LHX5: variants seen among roughly 807,000 people sequenced by gnomAD.
The protein encoded by LHX5 is LIM/homeobox protein Lhx5.
In LHX5, 5 loss-of-function variants were observed where a neutral mutation model predicts 30.6. The observed-to-expected ratio is 0.16, with a 90% CI of 0.09 to 0.34. The LOEUF (loss-of-function observed/expected upper bound fraction) is 0.34, where lower values mean the gene tolerates loss of function less well. Ranked by LOEUF, LHX5 falls within the 10% of genes least tolerant of loss-of-function variation. The pLI is 1.00. For missense variants in LHX5, 458 were observed against 570.6 expected (o/e 0.80, Z 2.01); for synonymous variants, 266 against 252.6 (o/e 1.05, Z -0.50).
Position 113,463,404 on chromosome 12 carries a change from C to T in LHX5, c.995G>A (p.Gly332Asp). The T allele has an allele frequency of 1.3e-6, 2 of 1,555,792 alleles. No individual in the cohort carries two copies. The highest frequency in any genetic ancestry group is 1.7e-6 in the Non-Finnish European group (2 of 1,152,756). The stretch of plus-strand genomic sequence containing the variant: ...CCTGGGGTTGTCCGCGGCGTGCGGG[C>T]CGGCGAGCGGCGGTTCCAGCGCTCC... The part of the protein sequence containing the change: ...PLGALEPPLA[G>D]PHAADNPRFT... Residue 332 changes from glycine to aspartate, a missense_variant, in exon 5 of 5, where the codon GGC (glycine) becomes GAC (aspartate). By Grantham distance (94) the Gly-to-Asp change is moderately conservative. This residue lies in a region of LHX5 where 255 missense variants were observed against 246.8 expected (regional missense o/e 1.03). Coordinates refer to ENST00000261731, the MANE Select transcript of LHX5 (RefSeq NM_022363.3). The surrounding 1 kb of genome is among the most constrained non-coding windows in gnomAD (Gnocchi z 6.7).
Position 113,468,354 on chromosome 12 carries a change from G to C in LHX5, c.448C>G (p.Gln150Glu). The C allele has an allele frequency of 6.2e-7, 1 of 1,614,136 alleles. No individual in the cohort carries two copies. Residue 150 changes from glutamine (Q) to glutamate (E), a missense_variant, in exon 3 of 5, where the codon CAG becomes GAG. Coordinates refer to ENST00000261731, the MANE Select transcript of LHX5 (RefSeq NM_022363.3). Reference sequence around the variant, plus strand: ...TTGTCCGTCTCTTTGGGGTCGTCCTGCAGTGCGTCCTGGAGGTCCGGGGAC... The same window carrying C: ...TTGTCCGTCTCTTTGGGGTCGTCCTCCAGTGCGTCCTGGAGGTCCGGGGAC... Reference protein sequence around the residue: ...SLSPDLQDALQDDPKETDNST... With the variant: ...SLSPDLQDALEDDPKETDNST...
At position 113,463,547 on chromosome 12, in the gene LHX5, G is replaced by A; in HGVS notation, c.852C>T (p.Gly284=). ...TPYTYYGDYQ[G]DYYAPGSNYD... ...AGTTGCTTCCCGGCGCGTAGTAGTC[G>A]CCTTGGTAGTCTGCGGAGGGGGAGC... is the stretch of plus-strand genomic sequence containing the variant. Residue 284 remains glycine, a synonymous_variant, in exon 5 of 5, where the codon GGC becomes GGT. Transcript: ENST00000261731. The surrounding 1 kb of genome is among the most constrained non-coding windows in gnomAD (Gnocchi z 6.7). 1.3e-6 allele frequency: 2 copies of A among 1,543,328 alleles called. No individual in the cohort carries two copies. Among genetic ancestry groups the A allele is most frequent in the Non-Finnish European group, 1.7e-6 (2 of 1,152,674 alleles).
rs756988199 is a variant in LHX5 at position 113,464,411 on chromosome 12, G to C, written c.842-854C>G. On this transcript the variant is annotated intron_variant, in intron 4 of 4. Transcript: ENST00000261731. This position sits in a 1 kb window ranked among gnomAD's most constrained non-coding sequence, Gnocchi z 6.2. ...CGGGCCGCGGCAGGAGCGACTGGTG[G>C]GTTGGGCCGGGCGGGGCGGCCTTGG... Among the ~76,000 whole-genome samples the C allele has an allele frequency of 6.6e-6, 1 of 152,334 alleles. No homozygotes were observed. The highest frequency in any genetic ancestry group is 6.5e-5 in the Admixed American group (1 of 15,310).
rs1170250360 is a variant in LHX5 at position 113,467,344 on chromosome 12, G to A, written c.753C>T (p.Phe251=). Residue 251 remains phenylalanine (F), a synonymous_variant, in exon 4 of 5, where the codon TTC becomes TTT. Transcript: ENST00000261731. This position sits in a 1 kb window ranked among gnomAD's most constrained non-coding sequence, Gnocchi z 6.3. The part of the protein sequence containing the change: ...LSALGARRHA[F]FRSPRRMRPL... ...GACGCATGCGCCGCGGACTCCGGAA[G>A]AAGGCGTGCCTCCGGGCGCCTAGGG... 6.3e-7 allele frequency: 1 copy of A among 1,589,160 alleles called. No individual in the cohort carries two copies. The highest frequency in any genetic ancestry group is 8.6e-7 in the Non-Finnish European group (1 of 1,165,070).
intron 2 of LHX5, 119 bp downstream of exon 2, chr12:113,469,003 G>A: frequency 1.3e-6 from 1 of 750,140 alleles, no homozygotes; most frequent in East Asian, 2.7e-5. Flanking sequence ...AACTGCCTGG[G>A]GCTGATGAGC....
Position 113,463,141 on chromosome 12 carries a change from T to C in LHX5, c.*49A>G, listed in dbSNP as rs1958186065. Reference sequence around the variant, plus strand: ...GGGCGTTTTGGTTTCAGGAGGCTGCTTCGGGGCGGGGCCCCCGGGGGCCGA... The same window carrying C: ...GGGCGTTTTGGTTTCAGGAGGCTGCCTCGGGGCGGGGCCCCCGGGGGCCGA... On this transcript the variant is annotated 3_prime_UTR_variant, in exon 5 of 5. Coordinates refer to ENST00000261731, the MANE Select transcript of LHX5 (RefSeq NM_022363.3). This position sits in a 1 kb window ranked among gnomAD's most constrained non-coding sequence, Gnocchi z 6.7. 1 of 1,437,948 alleles carries C rather than the reference T, an allele frequency of 7.0e-7. No individual in the cohort carries two copies. The allele number at this position is 1,437,948 out of a possible 1,614,324, so 89.1% of individuals were successfully genotyped here.
intron 1 of LHX5, among the ~76,000 whole-genome samples, chr12:113,470,757 A>C (rs1205400113): frequency 4.6e-5 from 7 of 152,118 alleles, no homozygotes; most frequent in Admixed American, 4.6e-4. Flanking sequence ...CCTGATTCTC[A>C]GCCTCGATTT....
chr12:113,468,513 C>G (rs1958228324), intron 2 of LHX5, 109 bp from the exon 3 acceptor site: 6 of 1,328,228 alleles, frequency 4.5e-6, no homozygotes, highest in Non-Finnish European at 6.1e-6. Flanking sequence ...GCCCAGGCTA[C>G]GGCCAGCCCC....
At position 113,469,221 on chromosome 12, in the gene LHX5, A is replaced by T. The variant is rs1443486081; in HGVS notation, c.298T>A (p.Ser100Thr). The change falls in exon 2 of 5, where the codon TCC becomes ACC. Residue 100 changes from serine to threonine, a missense_variant. Physicochemically the swap from Ser to Thr is moderately conservative, Grantham distance 58 (BLOSUM62 1). This residue lies in a region of LHX5 where 178 missense variants were observed against 238.5 expected (regional missense o/e 0.75). Transcript: ENST00000261731. ...ATGACGTAGAGCTCCTCGCCGGTGG[A>T]CAGCTGCTTGTTACACACCATGCAG... is the stretch of plus-strand genomic sequence containing the variant. The part of the protein sequence containing the change: ...FTCMVCNKQL[S>T]TGEELYVIDE... 6.2e-7 allele frequency: 1 copy of T among 1,614,102 alleles called. No individual in the cohort carries two copies. The highest frequency in any genetic ancestry group is 1.3e-5 in the African/African-American group (1 of 74,942).
At chr12:113,470,931 G>A (rs1356742959) in intron 1 of LHX5, among the ~76,000 whole-genome samples, 3 of 152,206 alleles carry the variant, frequency 2.0e-5, no homozygotes, top group African/African-American at 7.2e-5. Flanking sequence ...CATTCTGCCT[G>A]GAGCGAGAAG....
At position 113,471,484 on chromosome 12, in the gene LHX5, G is replaced by A. The variant is rs1048528748; in HGVS notation, c.15C>T (p.Cys5=). Residue 5 remains cysteine (C), a synonymous_variant, in exon 1 of 5, where the codon TGC becomes TGT. Coordinates refer to ENST00000261731, the MANE Select transcript of LHX5 (RefSeq NM_022363.3). MMVH[C]AGCERPILDR... ...CGAGGATGGGCCGCTCGCAACCGGC[G>A]CAGTGCACCATCATAGCCCCGCGCC... The A allele has an allele frequency of 1.9e-6, 3 of 1,605,352 alleles. No individual in the cohort carries two copies. Among genetic ancestry groups the A allele is most frequent in the Non-Finnish European group, 2.6e-6 (3 of 1,176,184 alleles).
chr12:113,467,518 C>T lies in LHX5; in HGVS notation c.676-97G>A, dbSNP rs1240878189. On this transcript the variant is annotated intron_variant, in intron 3 of 4. Transcript: ENST00000261731. The surrounding 1 kb of genome is among the most constrained non-coding windows in gnomAD (Gnocchi z 6.3). ...CTGGGCTGCCCCTGCTGGGTCCTTGCGCCTCTTCCGCACCAGGACTCCCCC... is the reference window on the plus strand; with the variant it reads ...CTGGGCTGCCCCTGCTGGGTCCTTGTGCCTCTTCCGCACCAGGACTCCCCC... 8.8e-7 allele frequency: 1 copy of T among 1,135,062 alleles called. No homozygotes were observed. Among genetic ancestry groups the T allele is most frequent in the Non-Finnish European group, 1.2e-6 (1 of 848,416 alleles). The allele number at this position is 1,135,062 out of a possible 1,614,324, so 70.3% of individuals were successfully genotyped here. A position where few individuals can be genotyped will look rare whatever the true frequency, so the allele number is the denominator to read the frequency against.
chr12:113,470,001 A>G (rs1165606868), intron 1 of LHX5, among the ~76,000 whole-genome samples: 1 of 152,212 alleles, frequency 6.6e-6, no homozygotes, highest in African/African-American at 2.4e-5. Flanking sequence ...GAGAGCAGGG[A>G]TGAGTTTCAG....
chr12:113,468,034 C>T, intron 3 of LHX5, 93 bp downstream of exon 3: 2 of 1,434,358 alleles, frequency 1.4e-6, no homozygotes, highest in Non-Finnish European at 9.1e-7. Context: ...ACCAGGCGCG[C>T]TCGTAGCCAA....
In LHX5 at chr12:113,464,073, G is replaced by T. The variant is rs1409119198; in HGVS notation, c.842-516C>A. On this transcript the variant is annotated intron_variant, in intron 4 of 4. Transcript: ENST00000261731. The surrounding 1 kb of genome is among the most constrained non-coding windows in gnomAD (Gnocchi z 6.2). ...GACGCGGAGTCCGCGGCTGAGACCC[G>T]AAAGCCCGAGACATCGGAGGGTCGC... 1.3e-5 allele frequency among the ~76,000 whole-genome samples: 2 copies of T among 152,176 alleles called. No homozygotes were observed. The highest frequency in any genetic ancestry group is 3.9e-4 in the East Asian group (2 of 5,182).
rs1260763424 is a variant in LHX5, at chr12:113,463,680, G to A, written c.842-123C>T. 3 of 1,049,192 alleles carry A rather than the reference G, an allele frequency of 2.9e-6. No homozygotes were observed. Among genetic ancestry groups the A allele is most frequent in the Non-Finnish European group, 1.3e-6 (1 of 752,868 alleles). The allele number at this position is 1,049,192 out of a possible 1,614,324, so 65.0% of individuals were successfully genotyped here. ...AGGGGAGCGCGCGACACCGACCCAA[G>A]GTTAGAGAGACCTGCGGAGGCCGGC... is the stretch of plus-strand genomic sequence containing the variant. On this transcript the variant is annotated intron_variant, in intron 4 of 4. Coordinates refer to ENST00000261731, the MANE Select transcript of LHX5 (RefSeq NM_022363.3). The surrounding 1 kb of genome is among the most constrained non-coding windows in gnomAD (Gnocchi z 6.7).
At chr12:113,469,392 C>A (rs766876480) in intron 1 of LHX5, 47 bp from the exon 2 acceptor site, 28 of 1,551,406 alleles carry the variant, frequency 1.8e-5, no homozygotes, top group Non-Finnish European at 2.3e-5. Context: ...CTGCATCCAG[C>A]CCTCCCCAGC....
rs1958201237 is a variant in LHX5, at chr12:113,464,639, C to T, written c.842-1082G>A. Reference sequence around the variant, plus strand: ...GTCATGGCCAGAGCTCCGCGGGCTCCTTGGGGTAGAAGCTCGGTCCTCCAG... The same window carrying T: ...GTCATGGCCAGAGCTCCGCGGGCTCTTTGGGGTAGAAGCTCGGTCCTCCAG... On this transcript the variant is annotated intron_variant, in intron 4 of 4. Transcript: ENST00000261731. This position sits in a 1 kb window ranked among gnomAD's most constrained non-coding sequence, Gnocchi z 6.2. 6.6e-6 allele frequency among the ~76,000 whole-genome samples: 1 copy of T among 152,190 alleles called. No homozygotes were observed. Among genetic ancestry groups the T allele is most frequent in the African/African-American group, 2.4e-5 (1 of 41,464 alleles).
chr12:113,463,342 G>T lies in LHX5; in HGVS notation c.1057C>A (p.Pro353Thr). The T allele has an allele frequency of 6.5e-7, 1 of 1,545,126 alleles. No homozygotes were observed. The change falls in exon 5 of 5, where the codon CCC (proline) becomes ACC (threonine). Residue 353 changes from proline to threonine, a missense_variant. Transcript: ENST00000261731. The surrounding 1 kb of genome is among the most constrained non-coding windows in gnomAD (Gnocchi z 6.7). ...DMISHPDTPS[P>T]EPGLPGTLHP... ...AGCGTGCCCGGCAGGCCTGGCTCGG[G>T]GCTCGGTGTGTCCGGGTGCGAGATC...
Sources: gnomAD v4.1 joint callset for allele counts (sites outside exome capture counted in the v4.1 genomes callset) on GRCh38, gnomAD v4.1.1 for gene constraint, gnomAD v4.1.1 regional missense constraint, Gnocchi (gnomAD v3.1) non-coding constraint, MANE v1.5 for transcripts, NCBI Gene and HGNC (gene_info 2026-07-23, HGNC 2026-07-21) for gene names.